ARL10: variants seen among roughly 807,000 people sequenced by gnomAD.
The protein encoded by ARL10 is ADP-ribosylation factor-like protein 10.
In ARL10, 23 loss-of-function variants were observed where a neutral mutation model predicts 26.1. The observed-to-expected ratio is 0.88, with a 90% confidence interval of 0.63 to 1.25. ARL10 has a LOEUF of 1.25. Among genes scored for constraint, ARL10 ranks in the 50% most tolerant of loss-of-function variants. ARL10 has a pLI of 0.00. For synonymous variants in ARL10, 138 were observed against 149.1 expected, an observed-to-expected ratio of 0.93 and a Z score of 0.54; for missense variants, 300 against 323.6, an observed-to-expected ratio of 0.93 and a Z score of 0.56.
rs772383384 is a variant in ARL10 at position 176,375,287 on chromosome 5, CCCATCCAT to C, written c.*3434_*3441del. 4.4e-5 allele frequency: 2 copies of C among 45,884 alleles called. No homozygotes were observed. Among genetic ancestry groups the C allele is most frequent in the Non-Finnish European group, 1.0e-4 (2 of 20,042 alleles). 2.8% of individuals were successfully genotyped at this position (45,884 alleles called of 1,614,324 possible). A position where few individuals can be genotyped will look rare whatever the true frequency, so the allele number is the denominator to read the frequency against. ...ACCCATCCACCCATCCATCCATCCA[CCCATCCAT>C]CCATCCATCCATCCATCCATCCATC... On this transcript the variant is annotated 3_prime_UTR_variant, in exon 4 of 4. Coordinates refer to ENST00000310389, the MANE Select transcript of ARL10 (RefSeq NM_173664.6).
At chr5:176,390,604 A>G (rs1046502736), downstream of ARL10, among the ~76,000 whole-genome samples, 2 of 151,462 alleles carry the variant, frequency 1.3e-5, no homozygotes, top group African/African-American at 2.4e-5. Flanking sequence ...TAATTTTTGT[A>G]TTTCGTATTT....
downstream of ARL10, chr5:176,392,912 C>T (rs1266056358): frequency 6.2e-7 from 1 of 1,614,134 alleles, no homozygotes; most frequent in South Asian, 1.1e-5. The surrounding 1 kb of genome is among the most constrained non-coding windows in gnomAD (Gnocchi z 5.2). Flanking sequence ...GGGTCTCCTC[C>T]TTGGATTCCT....
the ARL10 span, chr5:176,410,292 C>G: frequency 1.9e-6 from 3 of 1,613,826 alleles, no homozygotes; most frequent in African/African-American, 1.3e-5. Context: ...GTCCCCATGT[C>G]CTCAGAACCA....
In ARL10 at chr5:176,375,240, CCATCCAT is replaced by C; in HGVS notation, c.*3347_*3353del. 1 of 145,090 alleles carries C rather than the reference CCATCCAT, an allele frequency of 6.9e-6. No individual in the cohort carries two copies. Among genetic ancestry groups the C allele is most frequent in the African/African-American group, 2.6e-5 (1 of 39,144 alleles). 9.0% of individuals were successfully genotyped at this position (145,090 alleles called of 1,614,324 possible). A position where few individuals can be genotyped will look rare whatever the true frequency, so the allele number is the denominator to read the frequency against. On this transcript the variant is annotated 3_prime_UTR_variant, in exon 4 of 4. Coordinates refer to ENST00000310389, the MANE Select transcript of ARL10 (RefSeq NM_173664.6). Reference sequence around the variant, plus strand: ...CCCATCCACCCATCCATCCATCCATCCATCCATCCTTCCATCCATCCACCCATCCACC... The same window carrying C: ...CCCATCCACCCATCCATCCATCCATCCCTTCCATCCATCCACCCATCCACC...
intron 3 of ARL10, among the ~76,000 whole-genome samples, chr5:176,371,235 C>CATG (rs1408887665): frequency 2.0e-5 from 3 of 152,120 alleles, no homozygotes; most frequent in South Asian, 4.1e-4. Flanking sequence ...ATTAGCCAGG[C>CATG]GTGGTGGCTC....
chr5:176,388,974 G>T, downstream of ARL10: 1 of 1,614,006 alleles, frequency 6.2e-7, no homozygotes, highest in Non-Finnish European at 8.5e-7. Flanking sequence ...GTACCCATAG[G>T]TAAGTGGGTG....
At chr5:176,387,292 C>A (rs1755941616) in intron 1 of ARL10, among the ~76,000 whole-genome samples, 1 of 152,154 alleles carries the variant, frequency 6.6e-6, no homozygotes, top group Admixed American at 6.5e-5. Context: ...GTTGGCCAGG[C>A]CGGTCTCAAA....
Position 176,368,695 on chromosome 5 carries a change from C to T in ARL10, c.386-112C>T, listed in dbSNP as rs1223513231. 4.6e-5 allele frequency: 53 copies of T among 1,159,572 alleles called. 1 individual carries two copies. Among genetic ancestry groups the T allele is most frequent in the East Asian group, 1.7e-4 (6 of 34,520 alleles). 71.8% of individuals were successfully genotyped at this position (1,159,572 alleles called of 1,614,324 possible). On this transcript the variant is annotated intron_variant, in intron 2 of 3. Transcript: ENST00000310389. The surrounding 1 kb of genome is among the most constrained non-coding windows in gnomAD (Gnocchi z 4.1). ...GGGCTGTGGGCAGTGAGCGGGGGCC[C>T]GGGGTGGGGTGGGGGCTGTGGGCAG... is the stretch of plus-strand genomic sequence containing the variant.
chr5:176,398,107 G>A, intron 1 of ARL10: 1 of 1,491,916 alleles, frequency 6.7e-7, no homozygotes, highest in Non-Finnish European at 9.3e-7. Flanking sequence ...TGTCTCTGCT[G>A]CCCCTGCTGG....
At chr5:176,396,398 C>A in intron 1 of ARL10, 1 of 1,260,452 alleles carries the variant, frequency 7.9e-7, no homozygotes, top group South Asian at 1.2e-5. Flanking sequence ...TCATTTATAT[C>A]CCACAAGCAG....
the ARL10 span, among the ~76,000 whole-genome samples, chr5:176,412,683 T>A: frequency 1.3e-5 from 2 of 152,152 alleles, no homozygotes; most frequent in Non-Finnish European, 2.9e-5. Flanking sequence ...CCGGGTGACA[T>A]AAATCATAAT....
At chr5:176,392,950 G>C, downstream of ARL10, 1 of 1,613,932 alleles carries the variant, frequency 6.2e-7, no homozygotes, top group Non-Finnish European at 8.5e-7. The surrounding 1 kb of genome is among the most constrained non-coding windows in gnomAD (Gnocchi z 5.2). Flanking sequence ...GATGCCCTGC[G>C]GGTGGAGATA....
intron 3 of ARL10, 24 bp downstream of exon 3, chr5:176,369,006 C>T (rs369694586): frequency 2.7e-5 from 44 of 1,611,996 alleles, no homozygotes; most frequent in Admixed American, 1.7e-4. Context: ...GAGGGCAGCT[C>T]GGTCCAGGTG....
rs1768562815 is a variant in ARL10, at chr5:176,371,966, T to C, written c.*71T>C. On this transcript the variant is annotated 3_prime_UTR_variant, in exon 4 of 4. Coordinates refer to ENST00000310389, the MANE Select transcript of ARL10 (RefSeq NM_173664.6). ...TACTGCTGCTGCTTCATTGCCAGAC[T>C]GGGCCTGGGGCAAGAGCCACATGGC... 1.3e-6 allele frequency: 2 copies of C among 1,550,630 alleles called. No homozygotes were observed.
chr5:176,389,646 G>A, downstream of ARL10: 1 of 827,468 alleles, frequency 1.2e-6, no homozygotes, highest in Non-Finnish European at 1.8e-6. Flanking sequence ...AACTGTAACC[G>A]AAAGTTTTTT....
the ARL10 span, among the ~76,000 whole-genome samples, chr5:176,410,050 A>G: frequency 5.9e-4 from 90 of 152,276 alleles, no homozygotes; most frequent in African/African-American, 2.0e-3. Flanking sequence ...CTGCCCATCA[A>G]TCTCGATCTC....
In ARL10 at chr5:176,370,640, C is replaced by T. The variant is rs1177776774; in HGVS notation, c.562-1082C>T. 2.0e-5 allele frequency among the ~76,000 whole-genome samples: 3 copies of T among 152,114 alleles called. No homozygotes were observed. The East Asian group carries it at 5.8e-4, about 29-fold the overall frequency. On this transcript the variant is annotated intron_variant, in intron 3 of 3. Transcript: ENST00000310389. ...GTGCCCGCTCTGAGCCTCAGATTGCCCCAGTTTGGACCAGGAATCACATCA... is the reference window on the plus strand; with the variant it reads ...GTGCCCGCTCTGAGCCTCAGATTGCTCCAGTTTGGACCAGGAATCACATCA...
At chr5:176,389,675 TTGTTTG>T (rs1454941054), downstream of ARL10, 19 of 585,502 alleles carry the variant, frequency 3.2e-5, no homozygotes, top group East Asian at 5.4e-4. Flanking sequence ...CTAGATGCTG[TTGTTTG>T]AATGTTACAT....
Position 176,394,715 on chromosome 5 carries a change from C to T in ARL10, c.134-7026C>T, listed in dbSNP as rs537098452. Among the ~76,000 whole-genome samples, 179 of 151,842 alleles carry T rather than the reference C, an allele frequency of 1.2e-3. 1 individual carries two copies. The highest frequency in any genetic ancestry group is 6.8e-3 in the Middle Eastern group (2 of 294). On this transcript the variant is annotated intron_variant, in intron 1 of 1. Transcript: ENST00000514533. ...CTGTAGTCCCAGCTACTCAGGAGGC[C>T]GAGGCAGAAGAATTGCTTGAGCCCA... is the stretch of plus-strand genomic sequence containing the variant.
Sources: gnomAD v4.1 joint callset for allele counts (sites outside exome capture counted in the v4.1 genomes callset) on GRCh38, gnomAD v4.1.1 for gene constraint, Gnocchi (gnomAD v3.1) non-coding constraint, MANE v1.5 for transcripts, NCBI Gene and HGNC (gene_info 2026-07-23, HGNC 2026-07-21) for gene names.